SLIT1: variants seen among roughly 807,000 people sequenced by gnomAD.
The protein encoded by SLIT1 is slit guidance ligand 1.
Under a neutral mutation model 186.1 loss-of-function variants are expected in SLIT1, and 66 were observed. That is an observed-to-expected ratio of 0.35 (90% confidence interval 0.29 to 0.44). SLIT1 has a LOEUF of 0.44. Ranked by LOEUF, SLIT1 falls within the 20% of genes least tolerant of loss-of-function variation. SLIT1 has a pLI of 1.00. For missense variants in SLIT1, 1,638 were observed against 2,037.4 expected (o/e 0.80, Z 3.77); for synonymous variants, 761 against 833.8 (o/e 0.91, Z 1.50).
Position 97,018,620 on chromosome 10 carries a change from A to C in SLIT1, c.2935T>G (p.Cys979Gly). The change falls in exon 28 of 37, where the codon TGC becomes GGC. Residue 979 changes from cysteine (C) to glycine (G), a missense_variant. This residue lies in a region of SLIT1 where 1,245 missense variants were observed against 1,535.3 expected (regional missense o/e 0.81). Coordinates refer to ENST00000266058, the MANE Select transcript of SLIT1 (RefSeq NM_003061.3). ...GCATCCTCGCCCTCCTGTGCATGGC[A>C]GGTGCCCCCATTTTCACAGGGGCCA... ...SSGPCENGGT[C>G]HAQEGEDAPF... 6.3e-7 allele frequency: 1 copy of C among 1,595,614 alleles called. No individual in the cohort carries two copies. Among genetic ancestry groups the C allele is most frequent in the Non-Finnish European group, 8.5e-7 (1 of 1,171,258 alleles).
chr10:97,146,285 GT>G (rs1199107326), intron 4 of SLIT1, among the ~76,000 whole-genome samples: 1 of 152,164 alleles, frequency 6.6e-6, no homozygotes, highest in Non-Finnish European at 1.5e-5. Context: ...ACAAACCTGG[GT>G]CACGGCTTAA....
rs375337916 is a variant in SLIT1, at chr10:97,093,683, T to C, written c.414-27597A>G. 3.1e-4 allele frequency among the ~76,000 whole-genome samples: 47 copies of C among 152,346 alleles called. No homozygotes were observed. The East Asian group carries it at 8.5e-3, about 27-fold the overall frequency. ...GTAATGTGAGAGAAAAACTCCGATATCTTAGTTTAAGTCATCTTTTTGAAA... is the reference window on the plus strand; with the variant it reads ...GTAATGTGAGAGAAAAACTCCGATACCTTAGTTTAAGTCATCTTTTTGAAA... On this transcript the variant is annotated intron_variant, in intron 4 of 36. Coordinates refer to ENST00000266058, the MANE Select transcript of SLIT1 (RefSeq NM_003061.3).
intron 2 of SLIT1, 33 bp downstream of exon 2, chr10:97,164,786 G>A (rs1217605455): frequency 1.9e-6 from 3 of 1,546,414 alleles, no homozygotes; most frequent in Non-Finnish European, 2.7e-6. Context: ...GGCATTGCCA[G>A]GGGTGGGGTG....
intron 23 of SLIT1, among the ~76,000 whole-genome samples, chr10:97,032,685 G>C (rs1266426294): frequency 6.6e-6 from 1 of 152,178 alleles, no homozygotes; most frequent in East Asian, 1.9e-4. Flanking sequence ...TCCATCCAGG[G>C]CAGACAGGCA....
intron 4 of SLIT1, among the ~76,000 whole-genome samples, chr10:97,104,127 C>A (rs1217271438): frequency 6.6e-6 from 1 of 151,592 alleles, no homozygotes; most frequent in Admixed American, 6.6e-5. Context: ...ACTGGGGGTG[C>A]CGAGTGGGAG....
intron 4 of SLIT1, among the ~76,000 whole-genome samples, chr10:97,093,383 T>C (rs531174427): frequency 5.9e-5 from 9 of 152,370 alleles, no homozygotes; most frequent in Non-Finnish European, 1.2e-4. Flanking sequence ...CCCTTGCATC[T>C]TGGAGTAGCC....
chr10:97,004,775 C>T lies in SLIT1; in HGVS notation c.3628G>A (p.Asp1210Asn), dbSNP rs748040766. ...TGGTACAGCTCAACTGCAATGTGGT[C>T]GTTGTCCCCGTTGTACAGAAGGATC... is the stretch of plus-strand genomic sequence containing the variant. Reference protein sequence around the residue: ...NGILLYNGDNDHIAVELYQGH... With the variant: ...NGILLYNGDNNHIAVELYQGH... The change falls in exon 33 of 37, where the codon GAC becomes AAC. Residue 1210 changes from aspartate (D) to asparagine (N), a missense_variant. Physicochemically the swap from Asp to Asn is conservative, Grantham distance 23. Transcript: ENST00000266058. The surrounding 1 kb of genome is among the most constrained non-coding windows in gnomAD (Gnocchi z 5.1). 5.0e-6 allele frequency: 8 copies of T among 1,614,104 alleles called. No individual in the cohort carries two copies. The highest frequency in any genetic ancestry group is 6.8e-6 in the Non-Finnish European group (8 of 1,179,992).
In SLIT1 at chr10:97,182,014, C is replaced by A. The variant is rs555821856; in HGVS notation, c.197+3464G>T. Among the ~76,000 whole-genome samples the A allele has an allele frequency of 3.5e-4, 54 of 152,312 alleles. 2 individuals are homozygous for A. The South Asian group carries it at 9.5e-3, about 27-fold the overall frequency. On this transcript the variant is annotated intron_variant, in intron 1 of 36. Transcript: ENST00000266058. ...TGGTGACCATGGCTGGGTCTCTCTGCGCCTGGGCAGTACAAAGAAAGGAAG... is the reference window on the plus strand; with the variant it reads ...TGGTGACCATGGCTGGGTCTCTCTGAGCCTGGGCAGTACAAAGAAAGGAAG...
intron 13 of SLIT1, among the ~76,000 whole-genome samples, chr10:97,050,996 T>C (rs1848781345): frequency 1.3e-5 from 2 of 152,112 alleles, no homozygotes; most frequent in African/African-American, 4.8e-5. Context: ...AAAAAATTCA[T>C]TTGGGAAAAA....
chr10:97,141,658 TATTGC>T (rs1179190844), intron 4 of SLIT1, among the ~76,000 whole-genome samples: 5 of 140,912 alleles, frequency 3.5e-5, no homozygotes, highest in Admixed American at 2.1e-4. Flanking sequence ...CATTGTATTG[TATTGC>T]ATTGCATTGT....
intron 30 of SLIT1, among the ~76,000 whole-genome samples, chr10:97,012,689 A>T (rs1848422342): frequency 6.6e-6 from 1 of 152,194 alleles, no homozygotes. Context: ...TCCGTCTACC[A>T]TTTGGATGGA....
intron 4 of SLIT1, among the ~76,000 whole-genome samples, chr10:97,099,411 T>G (rs574454299): frequency 4.0e-5 from 6 of 150,174 alleles, no homozygotes; most frequent in African/African-American, 7.3e-5. Context: ...CCTCGGAGTT[T>G]CTAAAAGTCA....
chr10:97,168,876 G>C (rs1265097473), intron 1 of SLIT1, among the ~76,000 whole-genome samples: 1 of 152,132 alleles, frequency 6.6e-6, no homozygotes, highest in East Asian at 1.9e-4. Context: ...GACAAACACT[G>C]ACTTATCTGA....
intron 1 of SLIT1, among the ~76,000 whole-genome samples, chr10:97,168,520 C>T (rs1042600965): frequency 2.7e-4 from 41 of 152,256 alleles, no homozygotes; most frequent in African/African-American, 8.9e-4. Flanking sequence ...AAATGTTACC[C>T]CCTCCTTCCA....
chr10:97,141,680 T>TCG (rs771135410), intron 4 of SLIT1, among the ~76,000 whole-genome samples: 2 of 141,768 alleles, frequency 1.4e-5, no homozygotes, highest in Admixed American at 6.9e-5. Context: ...TTGTATCGTA[T>TCG]TGTATCGTAT....
At chr10:97,065,924 A>C in intron 5 of SLIT1, 91 bp downstream of exon 5, 1 of 944,960 alleles carries the variant, frequency 1.1e-6, no homozygotes, top group Non-Finnish European at 1.7e-6. Flanking sequence ...GGCTGCCTGG[A>C]CCACACGGCT....
At chr10:97,115,190 C>T (rs1849498108) in intron 4 of SLIT1, among the ~76,000 whole-genome samples, 1 of 152,194 alleles carries the variant, frequency 6.6e-6, no homozygotes, top group Non-Finnish European at 1.5e-5. Flanking sequence ...CTGGCTTCCC[C>T]GTAAGGTTGG....
chr10:97,073,574 G>A (rs1243805216), intron 4 of SLIT1, among the ~76,000 whole-genome samples: 1 of 152,212 alleles, frequency 6.6e-6, no homozygotes, highest in African/African-American at 2.4e-5. Flanking sequence ...CCAGGACAGC[G>A]CTGGGGAGAT....
rs139678204 is a variant in SLIT1, at chr10:97,002,766, G to A, written c.4092C>T (p.Cys1364=). Residue 1364 remains cysteine (C), a synonymous_variant, in exon 35 of 37, where the codon TGC becomes TGT. Coordinates refer to ENST00000266058, the MANE Select transcript of SLIT1 (RefSeq NM_003061.3). The stretch of plus-strand genomic sequence containing the variant: ...AGTGCAGGCCCACCCAGCCAGCCTC[G>A]CAGTGGCACATGGGCCCTGGGGTGG... ...PNATPGPMCH[C]EAGWVGLHCD... is the part of the protein sequence containing the mutation. 113 of 1,611,802 alleles carry A rather than the reference G, an allele frequency of 7.0e-5. No homozygotes were observed. The highest frequency in any genetic ancestry group is 2.0e-4 in the East Asian group (9 of 44,810).
Sources: gnomAD v4.1 joint callset for allele counts (sites outside exome capture counted in the v4.1 genomes callset) on GRCh38, gnomAD v4.1.1 for gene constraint, gnomAD v4.1.1 regional missense constraint, Gnocchi (gnomAD v3.1) non-coding constraint, MANE v1.5 for transcripts, NCBI Gene and HGNC (gene_info 2026-07-23, HGNC 2026-07-21) for gene names.